Variants in BCKDHB observed in about 807,000 individuals in gnomAD.
BCKDHB encodes the protein branched chain keto acid dehydrogenase E1 subunit beta.
A neutral mutation model predicts 48.5 loss-of-function variants in BCKDHB; 41 were observed. The observed-to-expected ratio is 0.85, with a 90% CI of 0.66 to 1.10. The LOEUF (loss-of-function observed/expected upper bound fraction) is 1.10, where lower values mean the gene tolerates loss of function less well. BCKDHB is among the 50% of genes least tolerant of loss of function. BCKDHB has a pLI of 0.00. For synonymous variants in BCKDHB, 201 were observed against 174.8 expected, an observed-to-expected ratio of 1.15 and a Z score of -1.18; for missense variants, 496 against 494.2, an observed-to-expected ratio of 1.00 and a Z score of -0.03.
chr6:80,363,721 G>T, the BCKDHB span, among the ~76,000 whole-genome samples: 1 of 152,170 alleles, frequency 6.6e-6, no homozygotes, highest in African/African-American at 2.4e-5. Context: ...CCCAGAATAT[G>T]CAATCCAGTG....
the BCKDHB span, among the ~76,000 whole-genome samples, chr6:80,447,244 T>C: frequency 1.5e-3 from 229 of 152,258 alleles, 1 homozygote; most frequent in South Asian, 0.012. Flanking sequence ...TGCCTTATTA[T>C]ATACTGTTAC....
At chr6:80,107,445 G>GTA (rs1491005406) in intron 1 of BCKDHB, among the ~76,000 whole-genome samples, 35 of 133,122 alleles carry the variant, frequency 2.6e-4, no homozygotes, top group African/African-American at 8.2e-4. Flanking sequence ...GTGTGTGTGT[G>GTA]TATATATCCA....
At chr6:80,394,622 G>T in the BCKDHB span, among the ~76,000 whole-genome samples, 2 of 152,094 alleles carry the variant, frequency 1.3e-5, no homozygotes, top group African/African-American at 4.8e-5. Context: ...GGAGAGGTTT[G>T]TCAAGTAACA....
In BCKDHB at chr6:80,166,923, C is replaced by T. The variant is rs186591259; in HGVS notation, c.344-755C>T. On this transcript the variant is annotated intron_variant, in intron 3 of 9. Transcript: ENST00000320393. ...ACATGTTTAAATCATCTCTATTTTT[C>T]ACACTCCCTCCTTTTTTTTGGTATG... Among the ~76,000 whole-genome samples, 263 of 152,128 alleles carry T rather than the reference C, an allele frequency of 1.7e-3. 1 individual carries two copies. The highest frequency in any genetic ancestry group is 6.0e-3 in the African/African-American group (249 of 41,504).
chr6:80,130,413 C>G (rs1238573074), intron 3 of BCKDHB, among the ~76,000 whole-genome samples: 1 of 152,064 alleles, frequency 6.6e-6, no homozygotes, highest in East Asian at 1.9e-4. Context: ...TTATGTTATA[C>G]TTAAATCCAA....
intron 3 of BCKDHB, among the ~76,000 whole-genome samples, chr6:80,134,539 G>T (rs1770789146): frequency 6.6e-6 from 1 of 152,068 alleles, no homozygotes; most frequent in African/African-American, 2.4e-5. Flanking sequence ...GGTCCTCTGG[G>T]ATTCTTCCAG....
the BCKDHB span, among the ~76,000 whole-genome samples, chr6:80,396,762 CT>C: frequency 1.3e-5 from 2 of 152,278 alleles, no homozygotes; most frequent in Middle Eastern, 3.4e-3. Context: ...CTCCTGCTGC[CT>C]TGTGAAGAAG....
chr6:80,169,965 T>C (rs987985114), intron 5 of BCKDHB: 8 of 1,347,982 alleles, frequency 5.9e-6, no homozygotes, highest in African/African-American at 1.5e-5. Context: ...TAACATTATA[T>C]TGTTTTTAAG....
At chr6:80,140,318 T>A (rs1334911196) in intron 3 of BCKDHB, among the ~76,000 whole-genome samples, 1 of 152,230 alleles carries the variant, frequency 6.6e-6, no homozygotes, top group East Asian at 1.9e-4. Context: ...CTAATTGCCC[T>A]GGCCAGAACT....
intron 1 of BCKDHB, among the ~76,000 whole-genome samples, chr6:80,114,645 G>A (rs1355183416): frequency 6.6e-6 from 1 of 152,208 alleles, no homozygotes; most frequent in Non-Finnish European, 1.5e-5. Context: ...TACCTCACTG[G>A]TTTGTGGCAC....
chr6:80,436,620 C>G, the BCKDHB span, among the ~76,000 whole-genome samples: 1 of 152,096 alleles, frequency 6.6e-6, no homozygotes, highest in African/African-American at 2.4e-5. Flanking sequence ...TCTGTGAAAC[C>G]ACTGCGAATT....
intron 3 of BCKDHB, among the ~76,000 whole-genome samples, chr6:80,146,564 G>A (rs1045667749): frequency 1.3e-5 from 2 of 152,106 alleles, no homozygotes; most frequent in Non-Finnish European, 1.5e-5. Context: ...GAGACAACCT[G>A]AAGAAAATGT....
intron 8 of BCKDHB, among the ~76,000 whole-genome samples, chr6:80,267,726 G>T (rs1271126691): frequency 6.6e-6 from 1 of 152,172 alleles, no homozygotes; most frequent in Non-Finnish European, 1.5e-5. Flanking sequence ...AGTTTTCTTA[G>T]GTTCTTCAGT....
At chr6:80,163,311 C>CTTTTTTTTTTTTTTT (rs34383985) in intron 3 of BCKDHB, among the ~76,000 whole-genome samples, 3 of 138,100 alleles carry the variant, frequency 2.2e-5, no homozygotes, top group Non-Finnish European at 3.1e-5. Flanking sequence ...TGCAATTAAG[C>CTTTTTTTTTTTTTTT]TTTTTTTTTT....
chr6:80,231,897 A>G (rs945833533), intron 8 of BCKDHB, among the ~76,000 whole-genome samples: 10 of 152,162 alleles, frequency 6.6e-5, no homozygotes, highest in African/African-American at 2.4e-4. Context: ...CCCAGCGGGC[A>G]GAGGTTGCAA....
the BCKDHB span, among the ~76,000 whole-genome samples, chr6:80,379,140 A>G: frequency 6.6e-6 from 1 of 152,052 alleles, no homozygotes. Context: ...GACACAAGAA[A>G]AGAAACTACA....
chr6:80,388,221 G>T, the BCKDHB span, among the ~76,000 whole-genome samples: 2 of 152,168 alleles, frequency 1.3e-5, no homozygotes, highest in Admixed American at 6.5e-5. Flanking sequence ...ACAGGTCCAG[G>T]CTGCTGTGAA....
At chr6:80,304,979 T>A (rs1767784012) in intron 9 of BCKDHB, among the ~76,000 whole-genome samples, 3 of 152,144 alleles carry the variant, frequency 2.0e-5, no homozygotes, top group Admixed American at 6.5e-5. Flanking sequence ...TTAGCTTTAA[T>A]ATCAGAAACC....
chr6:80,230,457 GTGCCA>G (rs1311930520), intron 8 of BCKDHB, among the ~76,000 whole-genome samples: 2 of 152,198 alleles, frequency 1.3e-5, no homozygotes, highest in African/African-American at 4.8e-5. Flanking sequence ...ATTTACTGCA[GTGCCA>G]TGTAAACAAG....
Sources: gnomAD v4.1 joint callset for allele counts (sites outside exome capture counted in the v4.1 genomes callset) on GRCh38, gnomAD v4.1.1 for gene constraint, MANE v1.5 for transcripts, NCBI Gene and HGNC (gene_info 2026-07-23, HGNC 2026-07-21) for gene names.